ACTN1: variants seen among roughly 807,000 people sequenced by gnomAD.
The protein encoded by ACTN1 is actinin alpha 1.
ACTN1 carries 30 observed loss-of-function variants against 119.6 expected under a neutral mutation model. That is an observed-to-expected ratio of 0.25 (90% CI 0.19 to 0.34). The LOEUF (loss-of-function observed/expected upper bound fraction) is 0.34, where lower values mean the gene tolerates loss of function less well. Ranked by LOEUF, ACTN1 falls within the 10% of genes least tolerant of loss-of-function variation. The probability of loss-of-function intolerance (pLI) is 1.00; values close to 1 mark genes in which losing one functional copy is unlikely to be tolerated. For missense variants in ACTN1, 764 were observed against 1,223.4 expected (o/e 0.62, Z 5.60); for synonymous variants, 429 against 472.6 (o/e 0.91, Z 1.20).
At chr14:68,965,051 G>A (rs910781363) in intron 1 of ACTN1, among the ~76,000 whole-genome samples, 5 of 152,224 alleles carry the variant, frequency 3.3e-5, no homozygotes, top group African/African-American at 9.7e-5. Flanking sequence ...CGCCCCATGT[G>A]CATCTATCTG....
At chr14:68,888,014 A>G in intron 11 of ACTN1, 1 of 745,940 alleles carries the variant, frequency 1.3e-6, no homozygotes, top group Non-Finnish European at 2.5e-6. Context: ...TTTAACTGAC[A>G]ACCGCGCCGA....
At position 68,879,907 on chromosome 14, in the gene ACTN1, G is replaced by A. The variant is rs896736410; in HGVS notation, c.2280+55C>T. 37 of 1,595,654 alleles carry A rather than the reference G, an allele frequency of 2.3e-5. No individual in the cohort carries two copies. Among genetic ancestry groups the A allele is most frequent in the Non-Finnish European group, 3.2e-5 (37 of 1,167,432 alleles). On this transcript the variant is annotated intron_variant, in intron 18 of 21. Coordinates refer to ENST00000394419, the MANE Select transcript of ACTN1 (RefSeq NM_001130004.2). The surrounding 1 kb of genome is among the most constrained non-coding windows in gnomAD (Gnocchi z 4.9). Reference sequence around the variant, plus strand: ...ACGTCCCGGGGAAGTGCCCTCCAGGGCCCTGGGGCAGGGGTTGGGGGCTGC... The same window carrying A: ...ACGTCCCGGGGAAGTGCCCTCCAGGACCCTGGGGCAGGGGTTGGGGGCTGC...
At chr14:68,910,416 T>A (rs2033936646) in intron 4 of ACTN1, among the ~76,000 whole-genome samples, 1 of 152,014 alleles carries the variant, frequency 6.6e-6, no homozygotes, top group South Asian at 2.1e-4. Flanking sequence ...CATCTAGGGG[T>A]CTCCAGACAG....
intron 20 of ACTN1, chr14:68,877,464 T>C (rs961109108): frequency 1.9e-5 from 10 of 535,706 alleles, no homozygotes; most frequent in Non-Finnish European, 3.3e-5. Flanking sequence ...GAGTTCCTCT[T>C]AGAGCAAATA....
intron 1 of ACTN1, among the ~76,000 whole-genome samples, chr14:68,975,789 C>T (rs1326274366): frequency 1.3e-5 from 2 of 152,182 alleles, no homozygotes; most frequent in Non-Finnish European, 2.9e-5. Context: ...TGGCGACCAG[C>T]CCATGAACTC....
rs1233712153 is a variant in ACTN1, at chr14:68,909,591, G to C, written c.516-195C>G. On this transcript the variant is annotated intron_variant, in intron 5 of 21. Coordinates refer to ENST00000394419, the MANE Select transcript of ACTN1 (RefSeq NM_001130004.2). The surrounding 1 kb of genome is among the most constrained non-coding windows in gnomAD (Gnocchi z 4.1). Reference sequence around the variant, plus strand: ...CAGGCACTAGGGTCAAGACTTTGTGGGGGGGTTGACAAGTTCAGATAAACC... The same window carrying C: ...CAGGCACTAGGGTCAAGACTTTGTGCGGGGGTTGACAAGTTCAGATAAACC... 6.6e-6 allele frequency among the ~76,000 whole-genome samples: 1 copy of C among 152,104 alleles called. No homozygotes were observed. Among genetic ancestry groups the C allele is most frequent in the African/African-American group, 2.4e-5 (1 of 41,394 alleles).
At chr14:68,954,437 C>A (rs997875453) in intron 1 of ACTN1, among the ~76,000 whole-genome samples, 19 of 152,172 alleles carry the variant, frequency 1.2e-4, no homozygotes, top group African/African-American at 4.3e-4. Flanking sequence ...AAGAGGTTCT[C>A]CTGCCTCAGC....
chr14:68,897,510 A>G (rs1194075821), intron 8 of ACTN1, among the ~76,000 whole-genome samples: 1 of 152,214 alleles, frequency 6.6e-6, no homozygotes, highest in African/African-American at 2.4e-5. Flanking sequence ...ATACAGGCAC[A>G]GTCTAGAGAG....
At chr14:68,926,054 C>T (rs1331681457) in intron 1 of ACTN1, among the ~76,000 whole-genome samples, 1 of 152,192 alleles carries the variant, frequency 6.6e-6, no homozygotes, top group Non-Finnish European at 1.5e-5. Flanking sequence ...AGTTTTAAGA[C>T]AGAGTAACCC....
chr14:68,906,564 C>T (rs2140268513), intron 6 of ACTN1, among the ~76,000 whole-genome samples: 1 of 152,260 alleles, frequency 6.6e-6, no homozygotes, highest in East Asian at 1.9e-4. Flanking sequence ...TCATCCAGGG[C>T]CTGGAGCAGC....
chr14:68,965,558 C>A (rs1052954373), intron 1 of ACTN1, among the ~76,000 whole-genome samples: 3 of 152,250 alleles, frequency 2.0e-5, no homozygotes, highest in Admixed American at 2.0e-4. Flanking sequence ...CACCCCCAGA[C>A]ACACCTGGAG....
chr14:68,876,019 C>T (rs547175288), intron 21 of ACTN1, among the ~76,000 whole-genome samples: 4 of 152,122 alleles, frequency 2.6e-5, no homozygotes, highest in South Asian at 2.1e-4. Context: ...TTTTTTAAGA[C>T]GGAGTCTCAC....
chr14:68,875,951 C>G (rs986895885), intron 21 of ACTN1, among the ~76,000 whole-genome samples: 1 of 152,216 alleles, frequency 6.6e-6, no homozygotes, highest in African/African-American at 2.4e-5. Context: ...GACAGACATT[C>G]CAGAAATTAT....
chr14:68,951,537 G>A (rs1461624645), intron 1 of ACTN1, among the ~76,000 whole-genome samples: 4 of 152,176 alleles, frequency 2.6e-5, no homozygotes, highest in Non-Finnish European at 5.9e-5. Context: ...TTGGGCTCTG[G>A]TCCTGACGTT....
chr14:68,908,403 C>G (rs1232520125), intron 6 of ACTN1, among the ~76,000 whole-genome samples: 1 of 152,134 alleles, frequency 6.6e-6, no homozygotes, highest in Non-Finnish European at 1.5e-5. Context: ...AAGGCAAGAG[C>G]TACACTGAAC....
At chr14:68,965,220 C>T (rs1374169203) in intron 1 of ACTN1, among the ~76,000 whole-genome samples, 1 of 152,242 alleles carries the variant, frequency 6.6e-6, no homozygotes, top group Non-Finnish European at 1.5e-5. Flanking sequence ...ATCCCTTTAT[C>T]TGAGGGAGAA....
intron 1 of ACTN1, among the ~76,000 whole-genome samples, chr14:68,927,913 T>G (rs532160135): frequency 6.6e-6 from 1 of 152,210 alleles, no homozygotes; most frequent in African/African-American, 2.4e-5. Flanking sequence ...GCGTTGACAC[T>G]GGGGTGGGTG....
intron 11 of ACTN1, chr14:68,888,105 G>A (rs894518089): frequency 1.0e-4 from 65 of 643,908 alleles, no homozygotes; most frequent in Admixed American, 6.9e-4. Context: ...GGGAGGGCGC[G>A]TGCCAGGTGT....
chr14:68,909,165 C>A lies in ACTN1; in HGVS notation c.594+153G>T, dbSNP rs1188214867. Among the ~76,000 whole-genome samples, 1 of 152,176 alleles carries A rather than the reference C, an allele frequency of 6.6e-6. No individual in the cohort carries two copies. On this transcript the variant is annotated intron_variant, in intron 6 of 21. Transcript: ENST00000394419. The surrounding 1 kb of genome is among the most constrained non-coding windows in gnomAD (Gnocchi z 4.1). ...TGCCCTAACAGGGAAGGTGTTTTCT[C>A]TTCACTTTCAGTTGGGGCTCTGTCT...
Sources: gnomAD v4.1 joint callset for allele counts (sites outside exome capture counted in the v4.1 genomes callset) on GRCh38, gnomAD v4.1.1 for gene constraint, Gnocchi (gnomAD v3.1) non-coding constraint, MANE v1.5 for transcripts, NCBI Gene and HGNC (gene_info 2026-07-23, HGNC 2026-07-21) for gene names.